VIT: variants seen among roughly 807,000 people sequenced by gnomAD.
VIT encodes the protein vitrin.
In VIT, 99 loss-of-function variants were observed where a neutral mutation model predicts 78.0. The ratio of observed to expected loss-of-function variants is 1.27; its 90% confidence interval spans 1.08 to 1.50. The LOEUF (loss-of-function observed/expected upper bound fraction) is 1.50. VIT is among the 40% of genes most tolerant of loss of function. The probability of loss-of-function intolerance (pLI) is 0.00; values close to 1 mark genes in which losing one functional copy is unlikely to be tolerated. For synonymous variants in VIT, 374 were observed against 334.3 expected (o/e 1.12, Z -1.29); for missense variants, 1,126 against 875.3 (o/e 1.29, Z -3.61).
At chr2:36,774,699 T>G in intron 8 of VIT, 1 of 985,368 alleles carries the variant, frequency 1.0e-6, no homozygotes, top group Non-Finnish European at 1.2e-6. Flanking sequence ...CATGCTGTTG[T>G]CCTGGACAAA....
intron 12 of VIT, among the ~76,000 whole-genome samples, chr2:36,795,490 G>A (rs762377957): frequency 1.3e-5 from 2 of 151,792 alleles, no homozygotes; most frequent in African/African-American, 2.4e-5. Context: ...TCAGCTCACT[G>A]CAACCTCCGC....
chr2:36,804,466 C>G (rs938933864), intron 13 of VIT, among the ~76,000 whole-genome samples: 1 of 152,192 alleles, frequency 6.6e-6, no homozygotes, highest in South Asian at 2.1e-4. Flanking sequence ...CCACCCTACA[C>G]TCTTGGAAAC....
In VIT at chr2:36,792,713, C is replaced by T. The variant is rs756887346; in HGVS notation, c.1058+5437C>T. On this transcript the variant is annotated intron_variant, in intron 12 of 15. Coordinates refer to ENST00000379242, the MANE Select transcript of VIT (RefSeq NM_053276.4). The stretch of plus-strand genomic sequence containing the variant: ...TCTGTGGTGCAACCAGAGTGAAGAC[C>T]GGAATATTCTCATGGGCCTGTGCTG... Among the ~76,000 whole-genome samples, 9 of 152,172 alleles carry T rather than the reference C, an allele frequency of 5.9e-5. No individual in the cohort carries two copies. The East Asian group carries it at 7.8e-4, about 13-fold the overall frequency.
chr2:36,787,508 C>G (rs1416325883), intron 12 of VIT, among the ~76,000 whole-genome samples: 1 of 152,196 alleles, frequency 6.6e-6, no homozygotes, highest in Non-Finnish European at 1.5e-5. Flanking sequence ...AAGTAGATGG[C>G]ATTTGCACTC....
At chr2:36,722,126 G>T (rs72783143) in intron 2 of VIT, among the ~76,000 whole-genome samples, 1 of 152,292 alleles carries the variant, frequency 6.6e-6, no homozygotes, top group Admixed American at 6.5e-5. Context: ...TGTTTAATGT[G>T]TTTAATTAAT....
chr2:36,746,412 G>C (rs1364891734), intron 4 of VIT, among the ~76,000 whole-genome samples: 1 of 152,044 alleles, frequency 6.6e-6, no homozygotes, highest in Non-Finnish European at 1.5e-5. Context: ...GGTAGAATTT[G>C]GCTGTGAATC....
At chr2:36,705,512 C>G (rs1459926646) in intron 1 of VIT, among the ~76,000 whole-genome samples, 1 of 152,130 alleles carries the variant, frequency 6.6e-6, no homozygotes, top group East Asian at 1.9e-4. Flanking sequence ...AAAAGGCTTT[C>G]CCTTTTTGGT....
At chr2:36,702,972 C>T (rs1665160863) in intron 1 of VIT, among the ~76,000 whole-genome samples, 1 of 152,184 alleles carries the variant, frequency 6.6e-6, no homozygotes, top group African/African-American at 2.4e-5. Flanking sequence ...GCACCTGACT[C>T]AGACCAGAGC....
At chr2:36,804,545 T>C (rs1666564736) in intron 13 of VIT, among the ~76,000 whole-genome samples, 1 of 152,154 alleles carries the variant, frequency 6.6e-6, no homozygotes, top group Non-Finnish European at 1.5e-5. Context: ...CGCATGAAAG[T>C]CTTTGGCCAG....
At chr2:36,800,620 C>T (rs538226456) in intron 12 of VIT, among the ~76,000 whole-genome samples, 1 of 152,254 alleles carries the variant, frequency 6.6e-6, no homozygotes, top group Admixed American at 6.5e-5. Context: ...GATGCACACA[C>T]ACCCGCCCTC....
At chr2:36,756,355 G>A (rs1048029364) in intron 5 of VIT, among the ~76,000 whole-genome samples, 3 of 152,114 alleles carry the variant, frequency 2.0e-5, no homozygotes, top group Non-Finnish European at 2.9e-5. Context: ...CTAGATTGTA[G>A]CCAACTTCCT....
Position 36,814,693 on chromosome 2 carries a change from GT to G in VIT, c.*334del. ...CGTAGAGCTTTTGTGAGATTTTTAA[GT>G]TGTTATTTCTGATTAGAACTCTGTA... On this transcript the variant is annotated 3_prime_UTR_variant, in exon 16 of 16. Transcript: ENST00000379242. 4.8e-6 allele frequency: 1 copy of G among 207,856 alleles called. No individual in the cohort carries two copies. The highest frequency in any genetic ancestry group is 9.5e-6 in the Non-Finnish European group (1 of 104,980). The allele number at this position is 207,856 out of a possible 1,614,324, so 12.9% of individuals were successfully genotyped here. A position where few individuals can be genotyped will look rare whatever the true frequency, so the allele number is the denominator to read the frequency against.
chr2:36,705,043 C>G (rs535734653), intron 1 of VIT, among the ~76,000 whole-genome samples: 24 of 152,222 alleles, frequency 1.6e-4, no homozygotes, highest in Admixed American at 1.5e-3. Flanking sequence ...CCTCAAAGCC[C>G]AAAGGGAAGA....
At chr2:36,810,322 C>A (rs932599174) in intron 15 of VIT, among the ~76,000 whole-genome samples, 3 of 152,120 alleles carry the variant, frequency 2.0e-5, no homozygotes, top group Non-Finnish European at 4.4e-5. Context: ...AGAGCTATGT[C>A]CACATAAAAA....
chr2:36,801,256 T>C, intron 12 of VIT, 45 bp from the exon 13 acceptor site: 1 of 1,502,456 alleles, frequency 6.7e-7, no homozygotes, highest in Non-Finnish European at 9.3e-7. Context: ...CCTCCAAAGG[T>C]ATTAACTTTG....
At chr2:36,711,198 G>C (rs918574963) in intron 1 of VIT, among the ~76,000 whole-genome samples, 1 of 152,134 alleles carries the variant, frequency 6.6e-6, no homozygotes, top group African/African-American at 2.4e-5. Context: ...ACATTATCAA[G>C]TGTCTTCTTC....
rs531850562 is a variant in VIT, at chr2:36,808,296, G to T, written c.1390-176G>T. On this transcript the variant is annotated intron_variant, in intron 14 of 15. Coordinates refer to ENST00000379242, the MANE Select transcript of VIT (RefSeq NM_053276.4). ...GACTGAGTCCAGCGATAACCCGGGGGCTTCGCCTCAGTGAGTGGCCGCTGG... is the reference window on the plus strand; with the variant it reads ...GACTGAGTCCAGCGATAACCCGGGGTCTTCGCCTCAGTGAGTGGCCGCTGG... Among the ~76,000 whole-genome samples the T allele has an allele frequency of 3.8e-3, 579 of 152,336 alleles. 4 individuals carry two copies. The highest frequency in any genetic ancestry group is 0.013 in the African/African-American group (560 of 41,574).
chr2:36,773,662 T>C, intron 7 of VIT, 129 bp from the exon 8 acceptor site: 1 of 698,466 alleles, frequency 1.4e-6, no homozygotes, highest in South Asian at 5.3e-5. Flanking sequence ...ACCCGGAGGT[T>C]GCAGTGAGCT....
chr2:36,788,435 A>C (rs1417398779), intron 12 of VIT, among the ~76,000 whole-genome samples: 1 of 152,264 alleles, frequency 6.6e-6, no homozygotes, highest in Non-Finnish European at 1.5e-5. Flanking sequence ...CCGATAACAC[A>C]TTTGATACTA....
Sources: allele counts gnomAD v4.1 joint callset (sites outside exome capture counted in the v4.1 genomes callset), GRCh38; gene constraint gnomAD v4.1.1; transcripts MANE v1.5; gene names NCBI Gene and HGNC (gene_info 2026-07-23, HGNC 2026-07-21).